Variants in EXOC6B observed in about 807,000 individuals in gnomAD.
EXOC6B encodes exocyst complex component 6B.
A neutral mutation model predicts 113.5 loss-of-function variants in EXOC6B; 54 were observed. The observed-to-expected ratio is 0.48, with a 90% CI of 0.38 to 0.60. EXOC6B has a LOEUF of 0.60. Ranked by LOEUF, EXOC6B falls within the 20% of genes least tolerant of loss-of-function variation. The pLI is 0.00. For missense variants in EXOC6B, 797 were observed against 977.5 expected (o/e 0.82, Z 2.46); for synonymous variants, 357 against 339.0 (o/e 1.05, Z -0.58).
intron 8 of EXOC6B, among the ~76,000 whole-genome samples, chr2:72,553,665 T>C (rs1703369003): frequency 6.6e-6 from 1 of 152,100 alleles, no homozygotes; most frequent in Admixed American, 6.6e-5. Flanking sequence ...ATGTAGTAGA[T>C]GGAATTGATA....
chr2:72,383,527 A>G (rs1046001086), intron 18 of EXOC6B, among the ~76,000 whole-genome samples: 1 of 152,128 alleles, frequency 6.6e-6, no homozygotes, highest in Admixed American at 6.6e-5. Flanking sequence ...CAGAGAAAAG[A>G]GAACACTTAC....
At chr2:72,492,546 A>G (rs1380014658) in intron 15 of EXOC6B, 117 bp from the exon 16 acceptor site, 43 of 558,370 alleles carry the variant, frequency 7.7e-5, no homozygotes, top group Non-Finnish European at 1.2e-4. Flanking sequence ...GCAGCAAATA[A>G]TACTTATTGT....
intron 20 of EXOC6B, among the ~76,000 whole-genome samples, chr2:72,310,121 A>C (rs1179378415): frequency 6.6e-6 from 1 of 152,140 alleles, no homozygotes; most frequent in African/African-American, 2.4e-5. Context: ...TTTTGTTTGA[A>C]CACTTGTTTT....
intron 20 of EXOC6B, among the ~76,000 whole-genome samples, chr2:72,313,008 G>A (rs1050220296): frequency 6.6e-6 from 1 of 152,078 alleles, no homozygotes; most frequent in African/African-American, 2.4e-5. Context: ...CTAAATTGAT[G>A]CCGATTTCTC....
chr2:72,696,452 G>A (rs910028526), intron 6 of EXOC6B, among the ~76,000 whole-genome samples: 1 of 152,100 alleles, frequency 6.6e-6, no homozygotes, highest in Non-Finnish European at 1.5e-5. Flanking sequence ...GTGCCCATGT[G>A]CCTTTGCAAT....
intron 20 of EXOC6B, among the ~76,000 whole-genome samples, chr2:72,294,899 A>G (rs1327258092): frequency 6.6e-6 from 1 of 152,152 alleles, no homozygotes; most frequent in African/African-American, 2.4e-5. Context: ...ATTTACATAA[A>G]GTATCTTAAA....
chr2:72,192,465 A>G (rs948135174), intron 20 of EXOC6B, among the ~76,000 whole-genome samples: 4 of 152,208 alleles, frequency 2.6e-5, no homozygotes, highest in African/African-American at 9.6e-5. Flanking sequence ...CCAGTCCCAG[A>G]CATTTGAATT....
chr2:72,673,519 T>C (rs1027284026), intron 6 of EXOC6B, among the ~76,000 whole-genome samples: 1 of 152,164 alleles, frequency 6.6e-6, no homozygotes, highest in Non-Finnish European at 1.5e-5. Context: ...TGTTTAACAT[T>C]ATGTAAGCCC....
chr2:72,626,547 T>G (rs1255135174), intron 6 of EXOC6B, among the ~76,000 whole-genome samples: 2 of 152,176 alleles, frequency 1.3e-5, no homozygotes, highest in Non-Finnish European at 2.9e-5. Flanking sequence ...CAGTAGCCGC[T>G]CCCTTTTCTG....
intron 19 of EXOC6B, chr2:72,335,437 T>C (rs1688638113): frequency 6.1e-6 from 1 of 163,816 alleles, no homozygotes; most frequent in South Asian, 1.7e-4. Context: ...AGGAATTTTC[T>C]AATTTCACGC....
At chr2:72,425,043 T>C (rs560489303) in intron 18 of EXOC6B, among the ~76,000 whole-genome samples, 16 of 152,316 alleles carry the variant, frequency 1.1e-4, no homozygotes, top group African/African-American at 3.6e-4. Context: ...TATGTGTCCA[T>C]GTGTTCTCAA....
intron 6 of EXOC6B, among the ~76,000 whole-genome samples, chr2:72,670,884 A>T (rs577479928): frequency 6.6e-6 from 1 of 152,194 alleles, no homozygotes; most frequent in Admixed American, 6.5e-5. Context: ...ATGTGATTCC[A>T]TCCAGTTCTA....
chr2:72,623,289 T>A (rs1671857157), intron 6 of EXOC6B, among the ~76,000 whole-genome samples: 1 of 152,192 alleles, frequency 6.6e-6, no homozygotes, highest in Non-Finnish European at 1.5e-5. Context: ...TACATATCTA[T>A]ACCTCTAACC....
chr2:72,406,382 C>G (rs1219320057), intron 18 of EXOC6B, among the ~76,000 whole-genome samples: 3 of 152,136 alleles, frequency 2.0e-5, no homozygotes, highest in African/African-American at 7.2e-5. Flanking sequence ...CTCTCCACCC[C>G]AAATCAACAG....
At chr2:72,681,790 C>T (rs1447327947) in intron 6 of EXOC6B, among the ~76,000 whole-genome samples, 1 of 151,902 alleles carries the variant, frequency 6.6e-6, no homozygotes, top group African/African-American at 2.4e-5. Flanking sequence ...AAAGGGGATT[C>T]CCCTGAACAC....
intron 1 of EXOC6B, among the ~76,000 whole-genome samples, chr2:72,786,862 T>C (rs1684403554): frequency 6.6e-6 from 1 of 152,102 alleles, no homozygotes; most frequent in Admixed American, 6.6e-5. Context: ...GAGACGCTAG[T>C]AAGGAGGGTG....
intron 6 of EXOC6B, among the ~76,000 whole-genome samples, chr2:72,704,987 T>C (rs1184897051): frequency 1.3e-5 from 2 of 152,208 alleles, no homozygotes; most frequent in East Asian, 3.9e-4. Flanking sequence ...ATGAGGCCAG[T>C]ATCATTCTGA....
chr2:72,418,981 G>A (rs181216723), intron 18 of EXOC6B, among the ~76,000 whole-genome samples: 5 of 151,552 alleles, frequency 3.3e-5, no homozygotes, highest in African/African-American at 9.7e-5. Flanking sequence ...TTTGTGTATC[G>A]AGCTATTTTC....
At chr2:72,499,474 G>A (rs62149333) in intron 12 of EXOC6B, among the ~76,000 whole-genome samples, 4 of 151,062 alleles carry the variant, frequency 2.6e-5, no homozygotes, top group Admixed American at 6.6e-5. Flanking sequence ...CAAGTGATCC[G>A]CCTGCCTCAG....
Sources: allele counts gnomAD v4.1 joint callset (sites outside exome capture counted in the v4.1 genomes callset), GRCh38; gene constraint gnomAD v4.1.1; transcripts MANE v1.5; gene names NCBI Gene and HGNC (gene_info 2026-07-23, HGNC 2026-07-21).